The following PPARGC1A variants were observed in gnomAD, a reference collection of about 807,000 sequenced individuals.
PPARGC1A encodes PPARG coactivator 1 alpha.
Under a neutral mutation model 88.7 loss-of-function variants are expected in PPARGC1A, and 25 were observed. The ratio of observed to expected loss-of-function variants is 0.28; its 90% CI spans 0.21 to 0.39. The LOEUF (loss-of-function observed/expected upper bound fraction) is 0.39. PPARGC1A is among the 10% of genes least tolerant of loss of function. PPARGC1A has a pLI of 1.00. For synonymous variants in PPARGC1A, 363 were observed against 355.6 expected (o/e 1.02, Z -0.24); for missense variants, 880 against 968.7 (o/e 0.91, Z 1.22).
the PPARGC1A span, among the ~76,000 whole-genome samples, chr4:24,101,462 T>A: frequency 6.4e-4 from 98 of 152,344 alleles, no homozygotes; most frequent in East Asian, 0.016. Flanking sequence ...AGATTTTAAG[T>A]GTGCCTATCA....
At chr4:23,914,006 T>G in the PPARGC1A span, among the ~76,000 whole-genome samples, 1 of 152,242 alleles carries the variant, frequency 6.6e-6, no homozygotes, top group Non-Finnish European at 1.5e-5. Flanking sequence ...ATTAATGTTA[T>G]GTACTGGAGT....
chr4:24,207,624 G>A, the PPARGC1A span, among the ~76,000 whole-genome samples: 3 of 152,298 alleles, frequency 2.0e-5, no homozygotes, highest in East Asian at 5.8e-4. Flanking sequence ...ATCAGCTATT[G>A]CTGCTGCAAT....
the PPARGC1A span, among the ~76,000 whole-genome samples, chr4:24,109,250 A>AC: frequency 1.4e-5 from 2 of 145,814 alleles, no homozygotes; most frequent in African/African-American, 5.2e-5. Context: ...AACTCCTTAT[A>AC]CCCCCTCTAC....
the PPARGC1A span, among the ~76,000 whole-genome samples, chr4:24,368,741 A>C: frequency 6.6e-6 from 1 of 152,206 alleles, no homozygotes; most frequent in East Asian, 1.9e-4. Context: ...TAAGTGCTAC[A>C]CTAAAGGGAG....
At chr4:24,447,888 C>G in the PPARGC1A span, among the ~76,000 whole-genome samples, 2 of 152,216 alleles carry the variant, frequency 1.3e-5, no homozygotes, top group Non-Finnish European at 2.9e-5. Context: ...GCCCTTCAAG[C>G]CAGGCAATCG....
the PPARGC1A span, among the ~76,000 whole-genome samples, chr4:24,193,769 C>T: frequency 2.0e-5 from 3 of 152,274 alleles, no homozygotes; most frequent in East Asian, 5.8e-4. Flanking sequence ...AGGCAATGTG[C>T]CTTTTCTCTG....
the PPARGC1A span, among the ~76,000 whole-genome samples, chr4:24,356,793 T>C: frequency 2.0e-5 from 3 of 152,186 alleles, no homozygotes; most frequent in Non-Finnish European, 4.4e-5. Flanking sequence ...CAAAGAGTCA[T>C]AAAATATACA....
chr4:24,097,404 T>C, the PPARGC1A span, among the ~76,000 whole-genome samples: 5 of 152,296 alleles, frequency 3.3e-5, no homozygotes, highest in Admixed American at 6.5e-5. Context: ...ACAGCTATGA[T>C]AGAATTTTTA....
chr4:24,138,168 C>T, the PPARGC1A span, among the ~76,000 whole-genome samples: 1 of 152,236 alleles, frequency 6.6e-6, no homozygotes, highest in Non-Finnish European at 1.5e-5. Context: ...AACAAACACA[C>T]TGCCAGGTTT....
At chr4:24,200,918 A>G in the PPARGC1A span, among the ~76,000 whole-genome samples, 144,985 of 152,240 alleles carry the variant, frequency 0.95, 69,075 homozygotes, top group East Asian at 1. Context: ...AAAACAATAC[A>G]TCAGACACTA....
At chr4:23,842,621 A>G (rs1384581336) in intron 2 of PPARGC1A, among the ~76,000 whole-genome samples, 1 of 152,076 alleles carries the variant, frequency 6.6e-6, no homozygotes, top group African/African-American at 2.4e-5. Context: ...AATGCTTAAC[A>G]GCATCCCTGG....
At chr4:24,287,982 T>C in the PPARGC1A span, among the ~76,000 whole-genome samples, 2 of 152,042 alleles carry the variant, frequency 1.3e-5, no homozygotes, top group African/African-American at 2.4e-5. Flanking sequence ...TTCTGCCTGC[T>C]CACACCCTCT....
the PPARGC1A span, among the ~76,000 whole-genome samples, chr4:23,911,048 C>T: frequency 6.6e-6 from 1 of 152,022 alleles, no homozygotes; most frequent in Non-Finnish European, 1.5e-5. Flanking sequence ...TGAGTAAGAC[C>T]TGGATCCTGG....
At chr4:24,174,887 T>C in the PPARGC1A span, among the ~76,000 whole-genome samples, 1 of 152,218 alleles carries the variant, frequency 6.6e-6, no homozygotes, top group Non-Finnish European at 1.5e-5. Context: ...GGAATGTCAC[T>C]GGCTGGAAAT....
chr4:24,223,313 G>A, the PPARGC1A span, among the ~76,000 whole-genome samples: 21 of 145,966 alleles, frequency 1.4e-4, no homozygotes, highest in Non-Finnish European at 1.6e-4. Context: ...GCAGTGGCAC[G>A]ATCTCAGCCA....
At chr4:24,242,566 C>T in the PPARGC1A span, among the ~76,000 whole-genome samples, 1 of 152,158 alleles carries the variant, frequency 6.6e-6, no homozygotes, top group Non-Finnish European at 1.5e-5. Context: ...CCTCAGTGCT[C>T]ACATGACATT....
the PPARGC1A span, among the ~76,000 whole-genome samples, chr4:24,140,950 A>G: frequency 6.6e-6 from 1 of 152,188 alleles, no homozygotes; most frequent in Non-Finnish European, 1.5e-5. Context: ...TTGGCAATGC[A>G]GACATATCTG....
At chr4:23,866,635 A>G (rs1396907714) in intron 2 of PPARGC1A, among the ~76,000 whole-genome samples, 1 of 152,226 alleles carries the variant, frequency 6.6e-6, no homozygotes, top group Non-Finnish European at 1.5e-5. Context: ...GCAATGCCGA[A>G]AGACTCTTAC....
chr4:24,116,376 T>C, the PPARGC1A span, among the ~76,000 whole-genome samples: 973 of 152,312 alleles, frequency 6.4e-3, 10 homozygotes, highest in African/African-American at 0.02. Flanking sequence ...GCTTAACATA[T>C]ACACGTGAAC....
Sources: allele counts gnomAD v4.1 joint callset (sites outside exome capture counted in the v4.1 genomes callset), GRCh38; gene constraint gnomAD v4.1.1; transcripts MANE v1.5; gene names NCBI Gene and HGNC (gene_info 2026-07-23, HGNC 2026-07-21).